Variants in TARS3 observed in about 807,000 individuals in gnomAD.
TARS3 encodes the protein threonine--tRNA ligase 2, cytoplasmic.
TARS3 carries 94 observed loss-of-function variants against 103.5 expected under a neutral mutation model. The observed-to-expected ratio is 0.91, with a 90% CI of 0.77 to 1.08. The LOEUF (loss-of-function observed/expected upper bound fraction) is 1.08, where lower values mean the gene tolerates loss of function less well. TARS3 is among the 50% of genes least tolerant of loss of function. TARS3 has a pLI of 0.00. For synonymous variants in TARS3, 416 were observed against 355.4 expected (o/e 1.17, Z -1.92); for missense variants, 952 against 995.2 (o/e 0.96, Z 0.58).
chr15:101,704,507 T>C (rs566020063), intron 7 of TARS3, among the ~76,000 whole-genome samples: 6 of 151,634 alleles, frequency 4.0e-5, no homozygotes, highest in Non-Finnish European at 8.8e-5. Flanking sequence ...TATAAAAAAT[T>C]AGCTGGGCGT....
chr15:101,666,470 A>T (rs1321729124), intron 15 of TARS3, among the ~76,000 whole-genome samples: 1 of 133,930 alleles, frequency 7.5e-6, no homozygotes, highest in Non-Finnish European at 1.6e-5. Flanking sequence ...AGCAAGACTC[A>T]TCTCAAAAAA....
intron 12 of TARS3, 59 bp downstream of exon 12, chr15:101,684,016 T>G (rs1898360214): frequency 1.3e-6 from 2 of 1,493,048 alleles, no homozygotes; most frequent in African/African-American, 1.4e-5. Flanking sequence ...ATACAAGATG[T>G]GTGCGGGGCA....
intron 12 of TARS3, among the ~76,000 whole-genome samples, chr15:101,683,078 T>C (rs1898319392): frequency 6.6e-6 from 1 of 152,174 alleles, no homozygotes; most frequent in South Asian, 2.1e-4. Flanking sequence ...CAGCTTTTGT[T>C]TTATTTTTAC....
chr15:101,688,566 A>C (rs1898573354), intron 10 of TARS3, among the ~76,000 whole-genome samples: 1 of 152,188 alleles, frequency 6.6e-6, no homozygotes, highest in Non-Finnish European at 1.5e-5. Context: ...CAGTGTCATA[A>C]ATTTGTTTTC....
At chr15:101,714,228 T>G (rs972444864) in intron 4 of TARS3, among the ~76,000 whole-genome samples, 2 of 152,168 alleles carry the variant, frequency 1.3e-5, no homozygotes, top group African/African-American at 4.8e-5. Context: ...TAGACCCATT[T>G]TTAATGGCCT....
At chr15:101,663,614 C>T (rs1301153976) in intron 15 of TARS3, among the ~76,000 whole-genome samples, 2 of 152,100 alleles carry the variant, frequency 1.3e-5, no homozygotes, top group African/African-American at 4.8e-5. Context: ...AATGTTTTTT[C>T]CATTGCATTT....
intron 6 of TARS3, among the ~76,000 whole-genome samples, chr15:101,706,090 A>G (rs1302406809): frequency 6.6e-6 from 1 of 152,178 alleles, no homozygotes; most frequent in Non-Finnish European, 1.5e-5. Context: ...CCTCCCGTGT[A>G]GCTGGAATTA....
intron 13 of TARS3, among the ~76,000 whole-genome samples, chr15:101,673,864 A>G (rs985441900): frequency 2.0e-5 from 3 of 152,158 alleles, no homozygotes; most frequent in Non-Finnish European, 4.4e-5. Flanking sequence ...TTAATCACGT[A>G]AAAATAATTG....
Position 101,721,228 on chromosome 15 carries a change from T to C in TARS3, c.464A>G (p.Lys155Arg). 6.2e-7 allele frequency: 1 copy of C among 1,613,574 alleles called. No homozygotes were observed. The highest frequency in any genetic ancestry group is 2.2e-5 in the East Asian group (1 of 44,886). ...HQLLLAIYGK[K>R]GDTSNIITVR... ...TGTGATGATGTTGCTTGTATCCCCC[T>C]TTTTTCCATAAATGGCAAGTAAGAG... The change falls in exon 3 of 19, where the codon AAG (lysine) becomes AGG (arginine). Residue 155 changes from lysine (K) to arginine (R), a missense_variant. This residue lies in a region of TARS3 where 412 missense variants were observed against 364.2 expected (regional missense o/e 1.13). Coordinates refer to ENST00000335968, the MANE Select transcript of TARS3 (RefSeq NM_152334.3).
At chr15:101,714,334 T>C (rs946917920) in intron 4 of TARS3, among the ~76,000 whole-genome samples, 2 of 152,126 alleles carry the variant, frequency 1.3e-5, no homozygotes, top group Non-Finnish European at 2.9e-5. Flanking sequence ...CTGGGCACAG[T>C]GGCTCACACC....
In TARS3 at chr15:101,654,523, A is replaced by G. The variant is rs1204301092; in HGVS notation, c.*59T>C. 1 of 1,581,298 alleles carries G rather than the reference A, an allele frequency of 6.3e-7. No homozygotes were observed. Among genetic ancestry groups the G allele is most frequent in the Non-Finnish European group, 8.6e-7 (1 of 1,164,816 alleles). On this transcript the variant is annotated 3_prime_UTR_variant, in exon 19 of 19. Transcript: ENST00000335968. ...TCGTAGAAGTACTAACATGTTAAGAAAAATACATTTTTAAGGGTCAAAACA... is the reference window on the plus strand; with the variant it reads ...TCGTAGAAGTACTAACATGTTAAGAGAAATACATTTTTAAGGGTCAAAACA...
rs144556735 is a variant in TARS3, at chr15:101,714,915, C to G, written c.615G>C (p.Leu205=). 721 of 1,613,276 alleles carry G rather than the reference C, an allele frequency of 4.5e-4. 4 individuals are homozygous for G. Among genetic ancestry groups the G allele is most frequent in the Middle Eastern group, 9.9e-4 (6 of 6,052 alleles). ...STVIAKVNGE[L]WDLDRPLEGD... ...CTTCCAATGGGCGGTCCAGGTCCCA[C>G]AGTTCACCATTGACTTTGGCTATTA... The change falls in exon 4 of 19, where the codon CTG becomes CTC. Residue 205 remains leucine (L), a synonymous_variant. Coordinates refer to ENST00000335968, the MANE Select transcript of TARS3 (RefSeq NM_152334.3).
At chr15:101,688,568 T>C (rs1898573483) in intron 10 of TARS3, among the ~76,000 whole-genome samples, 1 of 152,200 alleles carries the variant, frequency 6.6e-6, no homozygotes, top group South Asian at 2.1e-4. Flanking sequence ...GTGTCATAAA[T>C]TTGTTTTCAA....
chr15:101,703,955 G>C lies in TARS3; in HGVS notation c.996-18C>G. ...GACCGCACCTATAATGAAATATTTA[G>C]GACATGCTCAGGCACAGTTACAGTG... On this transcript the variant is annotated intron_variant, in intron 7 of 18. Transcript: ENST00000335968. 6.3e-7 allele frequency: 1 copy of C among 1,576,524 alleles called. No individual in the cohort carries two copies. The highest frequency in any genetic ancestry group is 8.7e-7 in the Non-Finnish European group (1 of 1,146,472).
intron 15 of TARS3, among the ~76,000 whole-genome samples, chr15:101,665,477 A>G (rs1257852201): frequency 6.6e-6 from 1 of 152,248 alleles, no homozygotes; most frequent in African/African-American, 2.4e-5. Flanking sequence ...AGAAACTGCT[A>G]CCATTTAAAA....
At chr15:101,657,183 C>A (rs145210159) in intron 17 of TARS3, 147 bp from the exon 18 acceptor site, 2 of 554,036 alleles carry the variant, frequency 3.6e-6, no homozygotes, top group Admixed American at 3.4e-5. Context: ...TAAAGAAGTG[C>A]GGAAGTGTCG....
chr15:101,701,158 A>G lies in TARS3; in HGVS notation c.1248T>C (p.Asp416=). 1.9e-6 allele frequency: 3 copies of G among 1,597,002 alleles called. No individual in the cohort carries two copies. The highest frequency in any genetic ancestry group is 2.6e-6 in the Non-Finnish European group (3 of 1,175,326). Residue 416 remains aspartate (D), a synonymous_variant, in exon 10 of 19, where the codon GAT becomes GAC. Coordinates refer to ENST00000335968, the MANE Select transcript of TARS3 (RefSeq NM_152334.3). ...GGAAAAAACAGCTTCCAGGACTCAA[A>G]TCGTGGAAAAAGAAAAGTTCTTGTT... is the stretch of plus-strand genomic sequence containing the variant. The part of the protein sequence containing the change: ...GKEQELFFFH[D]LSPGSCFFLP...
chr15:101,720,489 A>C (rs1900393670), intron 3 of TARS3, among the ~76,000 whole-genome samples: 1 of 152,218 alleles, frequency 6.6e-6, no homozygotes, highest in Admixed American at 6.5e-5. Flanking sequence ...TTGACGAATA[A>C]AGTCAGTGTA....
intron 15 of TARS3, among the ~76,000 whole-genome samples, chr15:101,670,348 A>G (rs1287228801): frequency 6.6e-6 from 1 of 152,248 alleles, no homozygotes; most frequent in Admixed American, 6.5e-5. Flanking sequence ...TCAATTAAAA[A>G]TGAGCAAAAA....
Sources: allele counts gnomAD v4.1 joint callset (sites outside exome capture counted in the v4.1 genomes callset), GRCh38; gene constraint gnomAD v4.1.1; regional missense constraint gnomAD v4.1.1; transcripts MANE v1.5; gene names NCBI Gene and HGNC (gene_info 2026-07-23, HGNC 2026-07-21).